FRMPD4: variants seen among roughly 807,000 people sequenced by gnomAD.
FRMPD4 encodes the protein FERM and PDZ domain containing 4.
FRMPD4 carries 22 observed loss-of-function variants against 94.1 expected under a neutral mutation model. That is an observed-to-expected ratio of 0.23 (90% CI 0.17 to 0.33). FRMPD4 has a LOEUF of 0.33. Ranked by LOEUF, FRMPD4 falls within the 10% of genes least tolerant of loss-of-function variation. The pLI is 1.00. For synonymous variants in FRMPD4, 631 were observed against 548.6 expected, an observed-to-expected ratio of 1.15 and a Z score of -2.10; for missense variants, 1,111 against 1,339.9, an observed-to-expected ratio of 0.83 and a Z score of 2.67.
chrX:12,566,366 T>C (rs1180353225), intron 2 of FRMPD4, among the ~76,000 whole-genome samples: 3 of 111,763 alleles, frequency 2.7e-5, no homozygotes, highest in Non-Finnish European at 5.6e-5. Context: ...AGTCAATTTT[T>C]AAATTCTTGT....
At chrX:12,639,017 G>C (rs940644407) in intron 4 of FRMPD4, among the ~76,000 whole-genome samples, 9 of 111,680 alleles carry the variant, frequency 8.1e-5, no homozygotes, top group Non-Finnish European at 5.6e-5. Context: ...GGGTTCTTCT[G>C]GTCTCCAAGT....
intron 3 of FRMPD4, among the ~76,000 whole-genome samples, chrX:11,932,194 A>T (rs1347864513): frequency 8.9e-6 from 1 of 112,245 alleles, no homozygotes; most frequent in Non-Finnish European, 1.9e-5. Context: ...TCATTTGTTT[A>T]TGAATTATAA....
At position 12,238,323 on chromosome X, in the gene FRMPD4, C is replaced by T. The variant is rs890631643; in HGVS notation, c.41+99311C>T. 3.6e-5 allele frequency among the ~76,000 whole-genome samples: 4 copies of T among 110,482 alleles called. No homozygotes were observed. The Admixed American group carries it at 3.9e-4, about 11-fold the overall frequency. On this transcript the variant is annotated intron_variant, in intron 1 of 16. Coordinates refer to ENST00000675598, the MANE Select transcript of FRMPD4 (RefSeq NM_001368397.1). Reference sequence around the variant, plus strand: ...ATTTTTAGTAGAGATGGGGTTTCTCCGTGTTGGTCAGGCTGGTCTCGAACT... The same window carrying T: ...ATTTTTAGTAGAGATGGGGTTTCTCTGTGTTGGTCAGGCTGGTCTCGAACT...
chrX:11,968,885 G>C (rs1474580920), intron 3 of FRMPD4, among the ~76,000 whole-genome samples: 1 of 112,249 alleles, frequency 8.9e-6, no homozygotes, highest in African/African-American at 3.2e-5. Context: ...ATGGGTAATA[G>C]CTGGCAGAAA....
intron 2 of FRMPD4, among the ~76,000 whole-genome samples, chrX:12,543,886 A>G (rs2058445331): frequency 1.8e-5 from 2 of 109,881 alleles, no homozygotes; most frequent in Non-Finnish European, 3.8e-5. Context: ...GCACATATAC[A>G]CCATGGAATA....
intron 3 of FRMPD4, among the ~76,000 whole-genome samples, chrX:12,065,424 G>A (rs769027020): frequency 8.9e-6 from 1 of 112,173 alleles, no homozygotes; most frequent in South Asian, 3.7e-4. Flanking sequence ...GGCTTATTCA[G>A]ATGCCTATTT....
intron 3 of FRMPD4, among the ~76,000 whole-genome samples, chrX:12,081,378 C>A (rs981730992): frequency 1.8e-5 from 2 of 111,342 alleles, no homozygotes; most frequent in African/African-American, 6.6e-5. Flanking sequence ...ATGAGCAAAG[C>A]AGTCTTCATC....
In FRMPD4 at chrX:11,846,837, G is replaced by A. The variant is rs1569109654; in HGVS notation, c.-160-18249G>A. Among the ~76,000 whole-genome samples, 3 of 110,959 alleles carry A rather than the reference G, an allele frequency of 2.7e-5. No homozygotes were observed. The Admixed American group carries it at 2.9e-4, about 11-fold the overall frequency. Reference sequence around the variant, plus strand: ...AAAACTGGCTAGCCATATGGAGAAAGCTAAAACTGGATCCCTTCCTTACAC... The same window carrying A: ...AAAACTGGCTAGCCATATGGAGAAAACTAAAACTGGATCCCTTCCTTACAC... On this transcript the variant is annotated intron_variant, in intron 1 of 18. Transcript: ENST00000640291.
chrX:12,621,501 A>T (rs922902561), intron 4 of FRMPD4, among the ~76,000 whole-genome samples: 2 of 96,419 alleles, frequency 2.1e-5, no homozygotes, highest in Non-Finnish European at 4.1e-5. Flanking sequence ...AACAAAAAGC[A>T]ATACATAAAC....
At chrX:12,031,615 T>C (rs923913339) in intron 3 of FRMPD4, among the ~76,000 whole-genome samples, 1 of 111,761 alleles carries the variant, frequency 8.9e-6, no homozygotes, top group African/African-American at 3.3e-5. Flanking sequence ...ATGGTGCTAC[T>C]GGCATCTAGT....
intron 2 of FRMPD4, among the ~76,000 whole-genome samples, chrX:12,542,305 G>A (rs763137236): frequency 1.8e-5 from 2 of 112,042 alleles, no homozygotes; most frequent in East Asian, 5.6e-4. Context: ...AATTGTCCCT[G>A]TTTGCAGATT....
chrX:12,440,979 T>C (rs1340889890), intron 1 of FRMPD4, among the ~76,000 whole-genome samples: 4 of 112,355 alleles, frequency 3.6e-5, no homozygotes, highest in Non-Finnish European at 1.9e-5. Context: ...ATTCTTCTAA[T>C]AGTTGTTCTA....
intron 2 of FRMPD4, among the ~76,000 whole-genome samples, chrX:12,568,536 G>GTATATGA (rs2058733592): frequency 8.9e-6 from 1 of 112,093 alleles, no homozygotes; most frequent in Non-Finnish European, 1.9e-5. Flanking sequence ...AAATTCCATT[G>GTATATGA]TATATGATTT....
Position 12,331,808 on chromosome X carries a change from T to TTTATATACTATATATAAATTATATA in FRMPD4, c.42-166872_42-166871insTTATATACTATATATAAATTATATA, listed in dbSNP as rs2055401051. On this transcript the variant is annotated intron_variant, in intron 1 of 16. Transcript: ENST00000675598. ...TTATATACTGTATATAAATTATATA[T>TTTATATACTATATATAAATTATATA]ATTTATATACTATATATAAATTATA... 4.1e-4 allele frequency among the ~76,000 whole-genome samples: 14 copies of TTTATATACTATATATAAATTATATA among 34,503 alleles called. 3 individuals carry two copies. Among genetic ancestry groups the TTTATATACTATATATAAATTATATA allele is most frequent in the African/African-American group, 2.6e-3 (13 of 4,956 alleles). 30.0% of individuals were successfully genotyped at this position (34,503 alleles called of 115,157 possible). A position where few individuals can be genotyped will look rare whatever the true frequency, so the allele number is the denominator to read the frequency against.
intron 2 of FRMPD4, among the ~76,000 whole-genome samples, chrX:12,543,607 A>G (rs1223043869): frequency 2.7e-5 from 3 of 112,046 alleles, no homozygotes; most frequent in Non-Finnish European, 3.8e-5. Context: ...GAGAGGATGT[A>G]GAGAAATAGG....
chrX:11,901,265 A>G (rs1359657483), intron 3 of FRMPD4, among the ~76,000 whole-genome samples: 1 of 111,324 alleles, frequency 9.0e-6, no homozygotes, highest in Non-Finnish European at 1.9e-5. Flanking sequence ...CTTCCCCTTC[A>G]CTGAGTTACC....
chrX:12,029,728 C>G (rs1453605274), intron 3 of FRMPD4, among the ~76,000 whole-genome samples: 2 of 111,802 alleles, frequency 1.8e-5, no homozygotes, highest in Non-Finnish European at 3.8e-5. Flanking sequence ...AGGTCATGCT[C>G]ACTCAGCCAA....
intron 3 of FRMPD4, among the ~76,000 whole-genome samples, chrX:12,078,092 C>T (rs936949716): frequency 9.0e-6 from 1 of 111,342 alleles, no homozygotes; most frequent in African/African-American, 3.3e-5. Context: ...GAGAAGTCAT[C>T]TCCTTGAGGT....
chrX:12,689,372 G>A (rs746218309), intron 7 of FRMPD4, among the ~76,000 whole-genome samples: 5 of 111,693 alleles, frequency 4.5e-5, no homozygotes, highest in Non-Finnish European at 9.4e-5. Context: ...CCCTCACTCT[G>A]TGCCAAACAA....
Sources: gnomAD v4.1 joint callset for allele counts (sites outside exome capture counted in the v4.1 genomes callset) on GRCh38, gnomAD v4.1.1 for gene constraint, MANE v1.5 for transcripts, NCBI Gene and HGNC (gene_info 2026-07-23, HGNC 2026-07-21) for gene names.